NAA25: variants seen among roughly 807,000 people sequenced by gnomAD.
NAA25 encodes N-terminal acetyltransferase B complex subunit NAA25.
In NAA25, 30 loss-of-function variants were observed where a neutral mutation model predicts 132.5. The observed-to-expected ratio is 0.23, with a 90% CI of 0.17 to 0.31. The LOEUF (loss-of-function observed/expected upper bound fraction) is 0.31. Ranked by LOEUF, NAA25 falls within the 10% of genes least tolerant of loss-of-function variation. The pLI, the probability that NAA25 is intolerant of heterozygous loss-of-function variation, is 1.00. For missense variants in NAA25, 771 were observed against 1,150.4 expected, an observed-to-expected ratio of 0.67 and a Z score of 4.77; for synonymous variants, 359 against 401.9, an observed-to-expected ratio of 0.89 and a Z score of 1.28.
At chr12:112,030,174 C>T (rs2078130482) in intron 23 of NAA25, among the ~76,000 whole-genome samples, 1 of 122,916 alleles carries the variant, frequency 8.1e-6, no homozygotes, top group African/African-American at 3.1e-5. Flanking sequence ...GATCGTGCCA[C>T]TACACACCAG....
chr12:112,069,162 T>C (rs2078764870), intron 10 of NAA25, 170 bp from the exon 11 acceptor site: 9 of 570,876 alleles, frequency 1.6e-5, no homozygotes, highest in East Asian at 5.9e-5. Flanking sequence ...ACTGAACTCA[T>C]TGTTCTACTC....
intron 2 of NAA25, among the ~76,000 whole-genome samples, chr12:112,092,324 GA>G (rs1433286890): frequency 6.6e-6 from 1 of 151,722 alleles, no homozygotes; most frequent in Non-Finnish European, 1.5e-5. Context: ...AAAGTACCGA[GA>G]AAAAAACACA....
chr12:112,057,971 C>T (rs1158758792), intron 13 of NAA25, among the ~76,000 whole-genome samples: 1 of 151,996 alleles, frequency 6.6e-6, no homozygotes, highest in Non-Finnish European at 1.5e-5. Flanking sequence ...CAGAGCGAGA[C>T]TTTGTCTCAA....
intron 20 of NAA25, among the ~76,000 whole-genome samples, chr12:112,041,191 CTT>C (rs199938023): frequency 7.7e-5 from 11 of 142,384 alleles, no homozygotes; most frequent in East Asian, 2.0e-4. Context: ...TAAAAAGACA[CTT>C]TTTTTTTTTT....
At chr12:112,052,520 G>A (rs1240845129) in intron 15 of NAA25, among the ~76,000 whole-genome samples, 2 of 152,166 alleles carry the variant, frequency 1.3e-5, no homozygotes, top group Admixed American at 1.3e-4. Flanking sequence ...GCTGTCCTTT[G>A]CTACTCCAGC....
chr12:112,106,694 C>T (rs1197793935), intron 1 of NAA25, among the ~76,000 whole-genome samples: 1 of 152,072 alleles, frequency 6.6e-6, no homozygotes, highest in Non-Finnish European at 1.5e-5. Context: ...CAGTGGCTCA[C>T]ACCTGTAATC....
rs2078122603 is a variant in NAA25 at position 112,029,529 on chromosome 12, C to T, written c.*2G>A. On this transcript the variant is annotated 3_prime_UTR_variant, in exon 24 of 24. Coordinates refer to ENST00000261745, the MANE Select transcript of NAA25 (RefSeq NM_024953.4). ...TCATCAGTGCCCATGATAGATACTT[C>T]CTTAAATTTTTAGTTTCTTTGTGGT... 17 of 1,613,170 alleles carry T rather than the reference C, an allele frequency of 1.1e-5. No individual in the cohort carries two copies. Among genetic ancestry groups the T allele is most frequent in the Non-Finnish European group, 1.4e-5 (17 of 1,179,442 alleles).
chr12:112,090,881 A>C lies in NAA25; in HGVS notation c.145-17T>G. 6.3e-7 allele frequency: 1 copy of C among 1,583,666 alleles called. No homozygotes were observed. Among genetic ancestry groups the C allele is most frequent in the Non-Finnish European group, 8.6e-7 (1 of 1,169,350 alleles). ...CTTTAAAACCTGATAGCAACAAAAG[A>C]AAAATCAGTTTTTAAAAAGACAGAA... is the stretch of plus-strand genomic sequence containing the variant. On this transcript the variant is annotated splice_polypyrimidine_tract_variant and intron_variant, in intron 2 of 23. Coordinates refer to ENST00000261745, the MANE Select transcript of NAA25 (RefSeq NM_024953.4).
intron 22 of NAA25, chr12:112,035,139 T>G (rs1300758481): frequency 6.6e-6 from 1 of 152,196 alleles, no homozygotes; most frequent in Non-Finnish European, 1.5e-5. Flanking sequence ...ATGAATGATC[T>G]TCACTTTATT....
chr12:112,104,977 A>C (rs1383229491), intron 1 of NAA25, among the ~76,000 whole-genome samples: 1 of 151,990 alleles, frequency 6.6e-6, no homozygotes, highest in Non-Finnish European at 1.5e-5. Context: ...AGATCGCGCC[A>C]CTGCATTCCA....
At chr12:112,065,555 G>A (rs2078704474) in intron 11 of NAA25, 1 of 151,412 alleles carries the variant, frequency 6.6e-6, no homozygotes, top group Admixed American at 6.6e-5. Context: ...CCCAGCTACT[G>A]GGGAGGCTGA....
chr12:112,066,855 C>A (rs1175057523), intron 11 of NAA25, among the ~76,000 whole-genome samples: 2 of 152,172 alleles, frequency 1.3e-5, no homozygotes, highest in African/African-American at 2.4e-5. Context: ...ACTGAACCTT[C>A]ATGGACTACA....
intron 1 of NAA25, among the ~76,000 whole-genome samples, chr12:112,106,711 C>T (rs775650196): frequency 6.6e-6 from 1 of 151,912 alleles, no homozygotes; most frequent in Admixed American, 6.6e-5. Context: ...AATCCCAGCA[C>T]TCTGGGAGGC....
chr12:112,059,067 C>T, intron 13 of NAA25, among the ~76,000 whole-genome samples: 1 of 108,146 alleles, frequency 9.2e-6, no homozygotes, highest in Non-Finnish European at 1.8e-5. Context: ...GAGCGAGACT[C>T]CATCTCACAA....
chr12:112,089,968 A>C (rs1459439072), intron 3 of NAA25, among the ~76,000 whole-genome samples: 1 of 150,250 alleles, frequency 6.7e-6, no homozygotes, highest in African/African-American at 2.4e-5. Context: ...AGTAGCTGGG[A>C]TTACAGGCGT....
intron 5 of NAA25, among the ~76,000 whole-genome samples, chr12:112,079,756 C>G (rs1268958290): frequency 4.6e-5 from 7 of 152,104 alleles, no homozygotes; most frequent in Admixed American, 6.6e-5. Flanking sequence ...AAAAGTGTCT[C>G]CTTTCTGCAA....
intron 13 of NAA25, 94 bp downstream of exon 13, chr12:112,060,176 T>C (rs912144175): frequency 3.5e-6 from 3 of 849,022 alleles, no homozygotes; most frequent in Non-Finnish European, 5.7e-6. Flanking sequence ...ATAAATAAAA[T>C]TTGTGGATTG....
intron 4 of NAA25, among the ~76,000 whole-genome samples, chr12:112,083,715 A>T (rs368005641): frequency 6.6e-6 from 1 of 152,244 alleles, no homozygotes; most frequent in African/African-American, 2.4e-5. Context: ...TTACAATCAA[A>T]AGAAAAAATA....
intron 3 of NAA25, chr12:112,090,210 C>A (rs2079111661): frequency 6.6e-6 from 1 of 151,978 alleles, no homozygotes; most frequent in Non-Finnish European, 1.5e-5. Context: ...GTTACATAAA[C>A]AAGATTATTG....
Sources: allele counts gnomAD v4.1 joint callset (sites outside exome capture counted in the v4.1 genomes callset), GRCh38; gene constraint gnomAD v4.1.1; transcripts MANE v1.5; gene names NCBI Gene and HGNC (gene_info 2026-07-23, HGNC 2026-07-21).